NALF1: variants seen among roughly 807,000 people sequenced by gnomAD.
NALF1 encodes the protein NALCN channel auxiliary factor 1, also known as family with sequence similarity 155 member A.
A neutral mutation model predicts 48.4 loss-of-function variants in NALF1; 3 were observed. That is an observed-to-expected ratio of 0.06 (90% CI 0.03 to 0.16). The LOEUF is 0.16. NALF1 is among the 10% of genes least tolerant of loss of function. The pLI is 1.00. For missense variants in NALF1, 526 were observed against 571.5 expected, an observed-to-expected ratio of 0.92 and a Z score of 0.81; for synonymous variants, 262 against 245.7, an observed-to-expected ratio of 1.07 and a Z score of -0.62.
At chr13:107,422,988 C>T (rs555234193) in intron 1 of NALF1, among the ~76,000 whole-genome samples, 1 of 152,096 alleles carries the variant, frequency 6.6e-6, no homozygotes, top group Non-Finnish European at 1.5e-5. Flanking sequence ...CCGACACCTA[C>T]ATTTTAGTTT....
At chr13:107,790,282 T>C (rs1264729669) in intron 1 of NALF1, among the ~76,000 whole-genome samples, 1 of 152,144 alleles carries the variant, frequency 6.6e-6, no homozygotes, top group Non-Finnish European at 1.5e-5. Context: ...AAAAAACATT[T>C]ACAGAAAAAA....
chr13:107,570,533 C>A (rs1349575595), intron 1 of NALF1, among the ~76,000 whole-genome samples: 1 of 150,696 alleles, frequency 6.6e-6, no homozygotes, highest in East Asian at 1.9e-4. Context: ...TGAAATAAAT[C>A]CCACGTGCTC....
intron 1 of NALF1, among the ~76,000 whole-genome samples, chr13:107,838,714 T>C (rs1460583975): frequency 2.0e-5 from 3 of 152,076 alleles, no homozygotes; most frequent in Admixed American, 2.0e-4. Context: ...CCCTAGTCTT[T>C]CCCTCCAGTG....
At chr13:107,288,617 C>T (rs1455406476) in intron 1 of NALF1, among the ~76,000 whole-genome samples, 5 of 151,286 alleles carry the variant, frequency 3.3e-5, no homozygotes, top group African/African-American at 9.7e-5. Context: ...CTGCAACCTC[C>T]GCCTCCTCAG....
intron 1 of NALF1, among the ~76,000 whole-genome samples, chr13:107,758,716 T>A (rs374439449): frequency 2.0e-4 from 31 of 152,056 alleles, no homozygotes; most frequent in African/African-American, 7.5e-4. Flanking sequence ...CGAGACTCCA[T>A]CTCAAAAAGA....
chr13:107,665,091 G>A (rs1460841133), intron 1 of NALF1, among the ~76,000 whole-genome samples: 3 of 152,042 alleles, frequency 2.0e-5, no homozygotes, highest in Non-Finnish European at 4.4e-5. Flanking sequence ...TCATTGTAAG[G>A]GAAACATTTG....
chr13:107,304,971 C>T (rs899663937), intron 1 of NALF1, among the ~76,000 whole-genome samples: 2 of 152,110 alleles, frequency 1.3e-5, no homozygotes, highest in East Asian at 3.8e-4. Context: ...ATGACAATAA[C>T]CAAATGAGGT....
chr13:107,471,148 GTAT>G (rs146612455), intron 1 of NALF1, among the ~76,000 whole-genome samples: 7,909 of 152,280 alleles, frequency 0.052, 225 homozygotes, highest in South Asian at 0.068. Context: ...TCTCTAGACT[GTAT>G]AACTTATGGC....
At chr13:107,514,625 TGAA>T (rs1876001601) in intron 1 of NALF1, among the ~76,000 whole-genome samples, 2 of 152,212 alleles carry the variant, frequency 1.3e-5, no homozygotes, top group African/African-American at 4.8e-5. Context: ...CTGAATTGTT[TGAA>T]GAAGAGTTAC....
intron 1 of NALF1, among the ~76,000 whole-genome samples, chr13:107,548,860 T>C (rs1877209954): frequency 6.6e-6 from 1 of 151,998 alleles, no homozygotes; most frequent in Admixed American, 6.6e-5. Context: ...AAATAAAAAA[T>C]TTTATTATAA....
At chr13:107,695,558 G>A (rs149305977) in intron 1 of NALF1, among the ~76,000 whole-genome samples, 324 of 152,012 alleles carry the variant, frequency 2.1e-3, no homozygotes, top group African/African-American at 7.5e-3. Context: ...TTTAATTTTT[G>A]TGCTTGTTCA....
rs188942418 is a variant in NALF1, at chr13:107,446,144, C to T, written c.916-235389G>A. Among the ~76,000 whole-genome samples, 104 of 152,102 alleles carry T rather than the reference C, an allele frequency of 6.8e-4. 1 individual carries two copies. In the East Asian group the frequency reaches 0.018, roughly 26 times the overall value. On this transcript the variant is annotated intron_variant, in intron 1 of 2. Coordinates refer to ENST00000375915, the MANE Select transcript of NALF1 (RefSeq NM_001080396.3). Reference sequence around the variant, plus strand: ...AGTAGAGACAAGGTTTCACCATGTTCGCCAGGATGGTCTCGATCTCTTGAC... The same window carrying T: ...AGTAGAGACAAGGTTTCACCATGTTTGCCAGGATGGTCTCGATCTCTTGAC...
At chr13:107,455,412 G>C (rs149874296) in intron 1 of NALF1, among the ~76,000 whole-genome samples, 1 of 152,078 alleles carries the variant, frequency 6.6e-6, no homozygotes, top group Admixed American at 6.6e-5. Flanking sequence ...GCAAAATTGA[G>C]TGGAAAGCAT....
intron 1 of NALF1, among the ~76,000 whole-genome samples, chr13:107,617,767 T>A (rs992225005): frequency 3.3e-5 from 5 of 152,118 alleles, no homozygotes; most frequent in African/African-American, 1.2e-4. Flanking sequence ...ATTTTTCCAT[T>A]TTTTTCTCCT....
intron 1 of NALF1, among the ~76,000 whole-genome samples, chr13:107,732,203 T>C (rs1487780674): frequency 3.3e-5 from 5 of 152,036 alleles, no homozygotes; most frequent in Non-Finnish European, 7.4e-5. Context: ...CTATGTATAA[T>C]ATATACTGTA....
intron 1 of NALF1, among the ~76,000 whole-genome samples, chr13:107,331,444 T>A (rs1237199492): frequency 6.6e-6 from 1 of 152,186 alleles, no homozygotes; most frequent in African/African-American, 2.4e-5. Flanking sequence ...GGACACCCAG[T>A]CTCACCGCTG....
chr13:107,500,609 T>C (rs910302247), intron 1 of NALF1, among the ~76,000 whole-genome samples: 3 of 150,974 alleles, frequency 2.0e-5, no homozygotes, highest in African/African-American at 7.3e-5. Context: ...ACTGGGTATA[T>C]ACCCAAAGGA....
chr13:107,787,077 A>G (rs1440160164), intron 1 of NALF1, among the ~76,000 whole-genome samples: 2 of 152,076 alleles, frequency 1.3e-5, no homozygotes, highest in Admixed American at 1.3e-4. Flanking sequence ...TCCTACACCT[A>G]CTCCTGACCT....
intron 1 of NALF1, chr13:107,788,822 G>T (rs1214976871): frequency 6.6e-6 from 1 of 151,954 alleles, no homozygotes; most frequent in Non-Finnish European, 1.5e-5. Flanking sequence ...CAGAAGGCTT[G>T]CCCAATTGCT....
Sources: gnomAD v4.1 joint callset for allele counts (sites outside exome capture counted in the v4.1 genomes callset) on GRCh38, gnomAD v4.1.1 for gene constraint, MANE v1.5 for transcripts, NCBI Gene and HGNC (gene_info 2026-07-23, HGNC 2026-07-21) for gene names.